Variants in NXNL1 observed in about 807,000 individuals in gnomAD.
NXNL1 encodes nucleoredoxin-like protein 1.
A neutral mutation model predicts 7.2 loss-of-function variants in NXNL1; 6 were observed. The ratio of observed to expected loss-of-function variants is 0.83; its 90% CI spans 0.46 to 1.64. The LOEUF (loss-of-function observed/expected upper bound fraction) is 1.64. NXNL1 is among the 40% of genes most tolerant of loss of function. The pLI, the probability that NXNL1 is intolerant of heterozygous loss-of-function variation, is 0.01. For synonymous variants in NXNL1, 133 were observed against 127.2 expected, an observed-to-expected ratio of 1.05 and a Z score of -0.31; for missense variants, 308 against 285.1, an observed-to-expected ratio of 1.08 and a Z score of -0.58.
intron 1 of NXNL1, 47 bp from the exon 2 acceptor site, chr19:17,456,006 T>C: frequency 6.3e-7 from 1 of 1,594,322 alleles, no homozygotes; most frequent in Non-Finnish European, 8.5e-7. Flanking sequence ...TCCCTGATGC[T>C]GAACCAGAGA....
In NXNL1 at chr19:17,455,839, G is replaced by A. The variant is rs1376915589; in HGVS notation, c.447C>T (p.Phe149=). 6.3e-7 allele frequency: 1 copy of A among 1,586,650 alleles called. No individual in the cohort carries two copies. Among genetic ancestry groups the A allele is most frequent in the South Asian group, 1.1e-5 (1 of 88,874 alleles). Residue 149 remains phenylalanine, a synonymous_variant, in exon 2 of 2, where the codon TTC becomes TTT. Transcript: ENST00000301944. Reference sequence around the variant, plus strand: ...CCTCGGCCGCCTCCTGCCAGTTGGCGAAGCAGGCGGTGCCCAGGCGCTGGA... The same window carrying A: ...CCTCGGCCGCCTCCTGCCAGTTGGCAAAGCAGGCGGTGCCCAGGCGCTGGA... ...DEIQRLGTAC[F]ANWQEAAEVL...
chr19:17,460,568 A>G lies in NXNL1; in HGVS notation c.302T>C (p.Leu101Pro). 4 of 1,602,128 alleles carry G rather than the reference A, an allele frequency of 2.5e-6. No homozygotes were observed. Among genetic ancestry groups the G allele is most frequent in the Middle Eastern group, 1.7e-4 (1 of 6,060 alleles). The change falls in exon 1 of 2, where the codon CTG (leucine) becomes CCG (proline). Residue 101 changes from leucine to proline, a missense_variant. Coordinates refer to ENST00000301944, the MANE Select transcript of NXNL1 (RefSeq NM_138454.2). ...CCTCCTCAGATCATCCTCAAAGGGC[A>G]GGAAAAGCCATTTCTTTGGCATGTC... ...LKDMPKKWLF[L>P]PFEDDLRRDL...
chr19:17,458,284 A>G (rs939991491), intron 1 of NXNL1, among the ~76,000 whole-genome samples: 29 of 135,790 alleles, frequency 2.1e-4, no homozygotes, highest in African/African-American at 8.2e-4. Flanking sequence ...CAGTGGCACG[A>G]TCTCGGGTCA....
At chr19:17,460,038 T>G (rs2075006775) in intron 1 of NXNL1, among the ~76,000 whole-genome samples, 1 of 151,836 alleles carries the variant, frequency 6.6e-6, no homozygotes, top group Admixed American at 6.6e-5. Context: ...TTAGACAGAG[T>G]CTCCCTCTGT....
At chr19:17,458,159 A>T (rs952582567) in intron 1 of NXNL1, among the ~76,000 whole-genome samples, 3 of 148,932 alleles carry the variant, frequency 2.0e-5, no homozygotes, top group South Asian at 4.3e-4. Context: ...TTCATTGTAC[A>T]CTTCTTTCAA....
intron 1 of NXNL1, among the ~76,000 whole-genome samples, chr19:17,458,227 T>C (rs1738116802): frequency 6.8e-6 from 1 of 147,166 alleles, no homozygotes; most frequent in Admixed American, 6.8e-5. Context: ...TTTCTTTTTT[T>C]TTTTTTTTTT....
rs79711612 is a variant in NXNL1, at chr19:17,456,307, CAAATAAATAAAT to C, written c.327-360_327-349del. Reference sequence around the variant, plus strand: ...TATTTGTAGTAAGACCCTGTCTCTACAAATAAATAAATAAATAAATAAATAAATAAATAAAGC... The same window carrying C: ...TATTTGTAGTAAGACCCTGTCTCTACAAATAAATAAATAAATAAATAAAGC... On this transcript the variant is annotated intron_variant, in intron 1 of 1. Transcript: ENST00000301944. 3.6e-5 allele frequency among the ~76,000 whole-genome samples: 5 copies of C among 140,486 alleles called. No individual in the cohort carries two copies. The East Asian group carries it at 8.3e-4, about 23-fold the overall frequency. 92.2% of individuals were successfully genotyped at this position (140,486 alleles called of 152,430 possible).
chr19:17,456,828 GAC>G (rs1180319293), intron 1 of NXNL1, among the ~76,000 whole-genome samples: 1 of 151,884 alleles, frequency 6.6e-6, no homozygotes, highest in African/African-American at 2.4e-5. Flanking sequence ...AAAAATATAA[GAC>G]ACTCACAGGA....
intron 1 of NXNL1, among the ~76,000 whole-genome samples, chr19:17,460,194 A>G (rs1308350194): frequency 1.3e-5 from 2 of 152,012 alleles, no homozygotes; most frequent in African/African-American, 4.8e-5. Context: ...TATTTTTAGT[A>G]GAGACAGGGT....
rs560755463 is a variant in NXNL1 at position 17,460,313 on chromosome 19, G to C, written c.326+231C>G. On this transcript the variant is annotated intron_variant, in intron 1 of 1. Transcript: ENST00000301944. ...GGGTTAAGCCACCATGCCCGGCCTT[G>C]CTATTACATAGTTGATTCTGTCTTT... Among the ~76,000 whole-genome samples, 8 of 151,728 alleles carry C rather than the reference G, an allele frequency of 5.3e-5. No homozygotes were observed. The South Asian group carries it at 1.7e-3, about 32-fold the overall frequency.
intron 1 of NXNL1, among the ~76,000 whole-genome samples, chr19:17,456,776 T>C (rs2074994989): frequency 6.6e-6 from 1 of 152,122 alleles, no homozygotes; most frequent in Admixed American, 6.6e-5. Flanking sequence ...GAACCCATGA[T>C]ACTTACAAAA....
chr19:17,457,373 T>G (rs2074997144), intron 1 of NXNL1, among the ~76,000 whole-genome samples: 1 of 152,116 alleles, frequency 6.6e-6, no homozygotes, highest in Non-Finnish European at 1.5e-5. Flanking sequence ...AATTTTTTTT[T>G]CTTTTTCTTT....
rs763601710 is a variant in NXNL1 at position 17,455,969 on chromosome 19, G to C, written c.327-10C>G. The C allele has an allele frequency of 2.3e-5, 36 of 1,597,428 alleles. No homozygotes were observed. Among genetic ancestry groups the C allele is most frequent in the South Asian group, 1.1e-5 (1 of 91,012 alleles). ...CTGGCGCCCGAGGTCCCTGCGGAGC[G>C]GGCAGGTCAGTCTGGACGGATCCAC... is the stretch of plus-strand genomic sequence containing the variant. On this transcript the variant is annotated splice_polypyrimidine_tract_variant and intron_variant, in intron 1 of 1. Coordinates refer to ENST00000301944, the MANE Select transcript of NXNL1 (RefSeq NM_138454.2).
intron 1 of NXNL1, among the ~76,000 whole-genome samples, chr19:17,459,721 C>CT (rs1360326833): frequency 1.3e-5 from 2 of 150,926 alleles, no homozygotes; most frequent in African/African-American, 4.9e-5. Flanking sequence ...CCTGGCCTTA[C>CT]TTTTTTAAGA....
chr19:17,455,819 G>T lies in NXNL1; in HGVS notation c.467C>A (p.Ala156Asp), dbSNP rs2074990899. The T allele has an allele frequency of 1.9e-6, 3 of 1,575,808 alleles. No homozygotes were observed. Among genetic ancestry groups the T allele is most frequent in the Non-Finnish European group, 1.7e-6 (2 of 1,166,618 alleles). ...TACFANWQEA[A>D]EVLDRNFQLP... Reference sequence around the variant, plus strand: ...CTGGAAGTTGCGGTCCAGCACCTCGGCCGCCTCCTGCCAGTTGGCGAAGCA... The same window carrying T: ...CTGGAAGTTGCGGTCCAGCACCTCGTCCGCCTCCTGCCAGTTGGCGAAGCA... The change falls in exon 2 of 2, where the codon GCC (alanine) becomes GAC (aspartate). Residue 156 changes from alanine (A) to aspartate (D), a missense_variant. Coordinates refer to ENST00000301944, the MANE Select transcript of NXNL1 (RefSeq NM_138454.2).
intron 1 of NXNL1, among the ~76,000 whole-genome samples, chr19:17,458,999 A>T (rs1297459895): frequency 6.6e-6 from 1 of 152,096 alleles, no homozygotes; most frequent in Admixed American, 6.6e-5. Context: ...AGCCTCAAGC[A>T]ATCCTCCTGC....
chr19:17,455,950 C>T lies in NXNL1; in HGVS notation c.336G>A (p.Gly112=), dbSNP rs770419641. The change falls in exon 2 of 2, where the codon GGG becomes GGA. Residue 112 remains glycine (G), a synonymous_variant. Transcript: ENST00000301944. ...GCAGGCGCTCCACTGAGAACTGGCG[C>T]CCGAGGTCCCTGCGGAGCGGGCAGG... The part of the protein sequence containing the change: ...PFEDDLRRDL[G]RQFSVERLPA... 2.5e-6 allele frequency: 4 copies of T among 1,597,616 alleles called. 1 individual carries two copies. The highest frequency in any genetic ancestry group is 1.1e-5 in the South Asian group (1 of 91,014).
At chr19:17,456,073 G>A (rs942591339) in intron 1 of NXNL1, 114 bp from the exon 2 acceptor site, 3 of 1,506,618 alleles carry the variant, frequency 2.0e-6, no homozygotes, top group Non-Finnish European at 2.6e-6. Flanking sequence ...ACTGCCTCTT[G>A]CCGGGCACTG....
intron 1 of NXNL1, 109 bp downstream of exon 1, chr19:17,460,435 G>T: frequency 8.3e-7 from 1 of 1,209,292 alleles, no homozygotes; most frequent in Non-Finnish European, 1.2e-6. Context: ...CTAGTTCCCA[G>T]TATATGGACT....
Sources: allele counts gnomAD v4.1 joint callset (sites outside exome capture counted in the v4.1 genomes callset), GRCh38; gene constraint gnomAD v4.1.1; transcripts MANE v1.5; gene names NCBI Gene and HGNC (gene_info 2026-07-23, HGNC 2026-07-21).